NDST3: variants seen among roughly 807,000 people sequenced by gnomAD.
The protein encoded by NDST3 is bifunctional heparan sulfate N-deacetylase/N-sulfotransferase 3.
A neutral mutation model predicts 96.1 loss-of-function variants in NDST3; 58 were observed. The observed-to-expected ratio is 0.60, with a 90% CI of 0.49 to 0.75. The LOEUF (loss-of-function observed/expected upper bound fraction) is 0.75. Among genes scored for constraint, NDST3 ranks in the 30% least tolerant of loss-of-function variants. NDST3 has a pLI of 0.00. For missense variants in NDST3, 788 were observed against 1,034.2 expected, an observed-to-expected ratio of 0.76 and a Z score of 3.27; for synonymous variants, 333 against 359.7, an observed-to-expected ratio of 0.93 and a Z score of 0.84.
intron 6 of NDST3, among the ~76,000 whole-genome samples, chr4:118,186,122 A>T (rs1358907805): frequency 6.6e-6 from 1 of 152,130 alleles, no homozygotes; most frequent in African/African-American, 2.4e-5. Context: ...GAGAAAAACA[A>T]AATCTGGTCT....
chr4:118,135,237 G>T (rs1482550120), intron 4 of NDST3, among the ~76,000 whole-genome samples: 3 of 152,160 alleles, frequency 2.0e-5, no homozygotes, highest in Admixed American at 2.0e-4. Context: ...AGCATATTTG[G>T]AGGAATCAGA....
chr4:118,095,126 G>A (rs1464941520), intron 2 of NDST3, among the ~76,000 whole-genome samples: 1 of 151,874 alleles, frequency 6.6e-6, no homozygotes, highest in African/African-American at 2.4e-5. Flanking sequence ...CCTCACCAAA[G>A]AGGTTATGTG....
At chr4:118,079,802 A>T (rs1040994778) in intron 2 of NDST3, among the ~76,000 whole-genome samples, 10 of 152,226 alleles carry the variant, frequency 6.6e-5, no homozygotes, top group Non-Finnish European at 1.3e-4. Flanking sequence ...ATTAGACCCA[A>T]CAAGTGATAG....
chr4:118,109,757 A>T (rs912619385), intron 3 of NDST3, among the ~76,000 whole-genome samples: 1 of 152,210 alleles, frequency 6.6e-6, no homozygotes, highest in East Asian at 1.9e-4. Flanking sequence ...TCCTTTCTAA[A>T]TGAAGAAATT....
chr4:118,095,853 T>C (rs1729257775), intron 2 of NDST3, among the ~76,000 whole-genome samples: 1 of 151,958 alleles, frequency 6.6e-6, no homozygotes, highest in East Asian at 1.9e-4. Context: ...CTTCTTTCAC[T>C]TAGCATAATG....
intron 12 of NDST3, among the ~76,000 whole-genome samples, chr4:118,252,224 A>G (rs1477116431): frequency 6.6e-6 from 1 of 152,236 alleles, no homozygotes; most frequent in Non-Finnish European, 1.5e-5. Context: ...GAGCATACAA[A>G]TTAGTGCTTT....
rs554532058 is a variant in NDST3, at chr4:118,125,250, CCA to C, written c.1224+10293_1224+10294del. Among the ~76,000 whole-genome samples, 865 of 152,106 alleles carry C rather than the reference CCA, an allele frequency of 5.7e-3. 4 individuals carry two copies. Among genetic ancestry groups the C allele is most frequent in the Non-Finnish European group, 8.8e-3 (595 of 67,956 alleles). On this transcript the variant is annotated intron_variant, in intron 4 of 13. Transcript: ENST00000296499. ...AGACATTTCTATCACTCAGGAAATTCCACAGAGTTAGGAGTTATCTCCCAGGA... is the reference window on the plus strand; with the variant it reads ...AGACATTTCTATCACTCAGGAAATTCCAGAGTTAGGAGTTATCTCCCAGGA...
chr4:118,070,515 A>G (rs1726966894), intron 2 of NDST3, among the ~76,000 whole-genome samples: 1 of 151,624 alleles, frequency 6.6e-6, no homozygotes, highest in African/African-American at 2.4e-5. Context: ...TCATATGATT[A>G]CTCCCTACAG....
Position 118,233,081 on chromosome 4 carries a change from C to T in NDST3, c.1889C>T (p.Thr630Ile). 6.2e-7 allele frequency: 1 copy of T among 1,612,828 alleles called. No individual in the cohort carries two copies. Among genetic ancestry groups the T allele is most frequent in the East Asian group, 2.2e-5 (1 of 44,816 alleles). ...SILSNSPSPK[T>I]FEEVQFFNRN... ...CTTAGTAACTCCCCCAGCCCAAAAA[C>T]CTTTGAGGAGGTACAGTTCTTTAAT... is the stretch of plus-strand genomic sequence containing the variant. The change falls in exon 9 of 14, where the codon ACC (threonine) becomes ATC (isoleucine). Residue 630 changes from threonine to isoleucine, a missense_variant. Thr to Ile is a moderately conservative substitution (Grantham distance 89). Coordinates refer to ENST00000296499, the MANE Select transcript of NDST3 (RefSeq NM_004784.3).
intron 2 of NDST3, among the ~76,000 whole-genome samples, chr4:118,099,155 A>G (rs1729575091): frequency 6.6e-6 from 1 of 152,050 alleles, no homozygotes; most frequent in Non-Finnish European, 1.5e-5. Flanking sequence ...GTGATTTGGA[A>G]AGGTTCAGTA....
At chr4:118,200,849 A>G (rs1246151616) in intron 6 of NDST3, among the ~76,000 whole-genome samples, 1 of 152,060 alleles carries the variant, frequency 6.6e-6, no homozygotes, top group East Asian at 1.9e-4. Context: ...ACATAGGAAT[A>G]TTGTATGATG....
intron 2 of NDST3, among the ~76,000 whole-genome samples, chr4:118,076,943 T>C (rs1727595375): frequency 6.6e-6 from 1 of 152,166 alleles, no homozygotes; most frequent in African/African-American, 2.4e-5. Flanking sequence ...TAGTCTTTGA[T>C]GTTGCTGATG....
chr4:118,213,041 T>TTAGTCTCTTCACA (rs1738909539), intron 6 of NDST3, among the ~76,000 whole-genome samples: 1 of 152,222 alleles, frequency 6.6e-6, no homozygotes, highest in Non-Finnish European at 1.5e-5. Context: ...ACCTTCCTTA[T>TTAGTCTCTTCACA]TAGTCTCTTC....
At chr4:118,192,901 C>T (rs920672702) in intron 6 of NDST3, among the ~76,000 whole-genome samples, 8 of 152,038 alleles carry the variant, frequency 5.3e-5, no homozygotes, top group African/African-American at 1.7e-4. Context: ...CACCAGGAGA[C>T]AGCATCAGCC....
intron 6 of NDST3, among the ~76,000 whole-genome samples, chr4:118,159,484 G>A (rs6823328): frequency 0.066 from 10,107 of 152,200 alleles, 736 homozygotes; most frequent in African/African-American, 0.18. Flanking sequence ...CAGAGTGAGA[G>A]AGGAAGCTAT....
At chr4:118,075,778 C>T (rs1286103909) in intron 2 of NDST3, among the ~76,000 whole-genome samples, 1 of 152,060 alleles carries the variant, frequency 6.6e-6, no homozygotes, top group Non-Finnish European at 1.5e-5. Flanking sequence ...TGTTTAAGTT[C>T]TTTGTAGATT....
intron 2 of NDST3, among the ~76,000 whole-genome samples, chr4:118,077,077 G>C (rs1727609325): frequency 6.6e-6 from 1 of 152,180 alleles, no homozygotes; most frequent in Non-Finnish European, 1.5e-5. Flanking sequence ...GCAATCTTGG[G>C]CTACATGCTC....
chr4:118,230,389 C>T (rs754235187), intron 8 of NDST3, among the ~76,000 whole-genome samples: 6 of 152,056 alleles, frequency 3.9e-5, no homozygotes, highest in Non-Finnish European at 5.9e-5. Flanking sequence ...TCCTGGCTAA[C>T]ACGGTGAAAT....
At chr4:118,210,732 C>T (rs1738731598) in intron 6 of NDST3, among the ~76,000 whole-genome samples, 1 of 146,788 alleles carries the variant, frequency 6.8e-6, no homozygotes, top group Non-Finnish European at 1.5e-5. Flanking sequence ...GCCTAGATTG[C>T]ACCACTGCAC....
Sources: allele counts gnomAD v4.1 joint callset (sites outside exome capture counted in the v4.1 genomes callset), GRCh38; gene constraint gnomAD v4.1.1; transcripts MANE v1.5; gene names NCBI Gene and HGNC (gene_info 2026-07-23, HGNC 2026-07-21).